Variants in THEMIS observed in about 807,000 individuals in gnomAD.
THEMIS encodes thymocyte selection associated.
THEMIS carries 37 observed loss-of-function variants against 52.6 expected under a neutral mutation model. The observed-to-expected ratio is 0.70, with a 90% CI of 0.54 to 0.93. The LOEUF (loss-of-function observed/expected upper bound fraction) is 0.93. THEMIS is among the 40% of genes least tolerant of loss of function. The pLI, the probability that THEMIS is intolerant of heterozygous loss-of-function variation, is 0.00. For missense variants in THEMIS, 808 were observed against 763.1 expected, an observed-to-expected ratio of 1.06 and a Z score of -0.69; for synonymous variants, 292 against 272.7, an observed-to-expected ratio of 1.07 and a Z score of -0.70.
intron 4 of THEMIS, among the ~76,000 whole-genome samples, chr6:127,795,256 A>T (rs982313860): frequency 2.0e-5 from 3 of 152,242 alleles, no homozygotes; most frequent in African/African-American, 7.2e-5. Flanking sequence ...ACCAAGTATC[A>T]TAAAAATTCA....
chr6:127,853,847 T>C (rs1165540015), intron 2 of THEMIS, among the ~76,000 whole-genome samples: 3 of 151,660 alleles, frequency 2.0e-5, no homozygotes, highest in Non-Finnish European at 4.4e-5. Context: ...GGTAAATAAC[T>C]TGTCAAAGTT....
intron 4 of THEMIS, among the ~76,000 whole-genome samples, chr6:127,785,220 T>TTATCTATCTATCATCTATC (rs1776900257): frequency 2.1e-5 from 2 of 93,758 alleles, no homozygotes; most frequent in Non-Finnish European, 5.1e-5. Flanking sequence ...ATTATCTATC[T>TTATCTATCTATCATCTATC]TATCTATCTA....
At chr6:127,867,369 G>T (rs1219870504) in intron 1 of THEMIS, among the ~76,000 whole-genome samples, 3 of 152,092 alleles carry the variant, frequency 2.0e-5, no homozygotes, top group African/African-American at 7.2e-5. Flanking sequence ...CAGCAATCTA[G>T]TGAGAAGTAG....
At chr6:127,891,064 T>C (rs1275125574) in intron 1 of THEMIS, among the ~76,000 whole-genome samples, 1 of 152,192 alleles carries the variant, frequency 6.6e-6, no homozygotes, top group Non-Finnish European at 1.5e-5. Flanking sequence ...TAGATATTTA[T>C]ATTTAATATG....
At chr6:127,731,392 A>G (rs1270207427) in intron 4 of THEMIS, among the ~76,000 whole-genome samples, 3 of 152,130 alleles carry the variant, frequency 2.0e-5, no homozygotes, top group African/African-American at 7.2e-5. Context: ...GTCGGGGAAA[A>G]AAAAACAGAA....
At chr6:127,705,141 G>A (rs1028551044), downstream of THEMIS, among the ~76,000 whole-genome samples, 2 of 152,294 alleles carry the variant, frequency 1.3e-5, no homozygotes, top group Non-Finnish European at 2.9e-5. Flanking sequence ...TTCAGATAGA[G>A]TTGAATATCA....
chr6:127,803,934 T>C (rs1400430387), intron 4 of THEMIS, among the ~76,000 whole-genome samples: 1 of 152,162 alleles, frequency 6.6e-6, no homozygotes, highest in Non-Finnish European at 1.5e-5. Context: ...GAACTCTCCT[T>C]AAAAAATGAC....
chr6:127,762,440 T>A (rs1272722144), intron 4 of THEMIS, among the ~76,000 whole-genome samples: 1 of 152,120 alleles, frequency 6.6e-6, no homozygotes, highest in Non-Finnish European at 1.5e-5. Flanking sequence ...ATGAATCCTC[T>A]GTTGGCATCC....
intron 3 of THEMIS, among the ~76,000 whole-genome samples, chr6:127,819,667 G>T (rs1562279146): frequency 6.6e-6 from 1 of 152,126 alleles, no homozygotes; most frequent in African/African-American, 2.4e-5. Context: ...CACCAACCTA[G>T]AATTCTGCAT....
intron 4 of THEMIS, among the ~76,000 whole-genome samples, chr6:127,749,368 T>A (rs1775557053): frequency 6.6e-6 from 1 of 152,088 alleles, no homozygotes; most frequent in African/African-American, 2.4e-5. Flanking sequence ...ATGCTTTCTA[T>A]GTCACGTTAG....
At chr6:127,733,842 T>C (rs1266723345) in intron 4 of THEMIS, among the ~76,000 whole-genome samples, 1 of 152,070 alleles carries the variant, frequency 6.6e-6, no homozygotes, top group Non-Finnish European at 1.5e-5. Flanking sequence ...CTAGTATATA[T>C]GACATGTAGT....
rs762756094 is a variant in THEMIS at position 127,801,806 on chromosome 6, C to T, written c.1758+11077G>A. Among the ~76,000 whole-genome samples the T allele has an allele frequency of 4.6e-5, 7 of 152,260 alleles. No homozygotes were observed. In the South Asian group the frequency reaches 1.4e-3, roughly 32 times the overall value. ...GTGTGCTTCTAGACCTACAACTAGA[C>T]AAAAGTCCTGGTGGGGCGCTAGAGG... is the stretch of plus-strand genomic sequence containing the variant. On this transcript the variant is annotated intron_variant, in intron 4 of 5. Coordinates refer to ENST00000368248, the MANE Select transcript of THEMIS (RefSeq NM_001010923.3).
At chr6:127,764,209 C>T (rs115807929) in intron 4 of THEMIS, among the ~76,000 whole-genome samples, 2,793 of 151,958 alleles carry the variant, frequency 0.018, 108 homozygotes, top group African/African-American at 0.064. Flanking sequence ...TTATAAAACC[C>T]CATGAGGTAG....
intron 4 of THEMIS, among the ~76,000 whole-genome samples, chr6:127,772,166 C>A (rs1189022240): frequency 1.3e-5 from 2 of 151,572 alleles, no homozygotes; most frequent in East Asian, 1.9e-4. Context: ...TGAGATAGTG[C>A]AACAATGATT....
intron 3 of THEMIS, among the ~76,000 whole-genome samples, chr6:127,823,950 A>G (rs1015986406): frequency 5.3e-5 from 8 of 152,186 alleles, no homozygotes; most frequent in Admixed American, 2.0e-4. Context: ...CAGAATAGAA[A>G]AAGGAGTGCC....
chr6:127,731,638 C>T (rs565116836), intron 4 of THEMIS, among the ~76,000 whole-genome samples: 2 of 147,884 alleles, frequency 1.4e-5, no homozygotes, highest in African/African-American at 4.9e-5. Flanking sequence ...TGATTTTCAC[C>T]GTATTTTGGA....
rs769471340 is a variant in THEMIS, at chr6:127,893,404, A to T, written c.91+7438T>A. The stretch of plus-strand genomic sequence containing the variant: ...TTCTTTATATGCCATAGCTCAATTA[A>T]TCTTCACATCATACCTCAAGGTTGT... On this transcript the variant is annotated intron_variant, in intron 1 of 5. Transcript: ENST00000368248. Among the ~76,000 whole-genome samples, 5 of 152,126 alleles carry T rather than the reference A, an allele frequency of 3.3e-5. No individual in the cohort carries two copies. In the East Asian group the frequency reaches 7.7e-4, roughly 23 times the overall value.
intron 4 of THEMIS, among the ~76,000 whole-genome samples, chr6:127,732,897 G>T (rs1448282598): frequency 6.6e-6 from 1 of 152,182 alleles, no homozygotes; most frequent in East Asian, 1.9e-4. Context: ...TGGGTCACAT[G>T]ACAGCTATAG....
At position 127,804,337 on chromosome 6, in the gene THEMIS, C is replaced by T. The variant is rs111778168; in HGVS notation, c.1758+8546G>A. 2.2e-4 allele frequency among the ~76,000 whole-genome samples: 34 copies of T among 152,184 alleles called. 1 individual carries two copies. The highest frequency in any genetic ancestry group is 7.7e-4 in the African/African-American group (32 of 41,538). On this transcript the variant is annotated intron_variant, in intron 4 of 5. Coordinates refer to ENST00000368248, the MANE Select transcript of THEMIS (RefSeq NM_001010923.3). Reference sequence around the variant, plus strand: ...AATAATATGAGGACTGAGGATTGACCATAAAATCTGGCAACCTGAGTATCA... The same window carrying T: ...AATAATATGAGGACTGAGGATTGACTATAAAATCTGGCAACCTGAGTATCA...
Sources: allele counts gnomAD v4.1 joint callset (sites outside exome capture counted in the v4.1 genomes callset), GRCh38; gene constraint gnomAD v4.1.1; transcripts MANE v1.5; gene names NCBI Gene and HGNC (gene_info 2026-07-23, HGNC 2026-07-21).